SVEP1: variants seen among roughly 807,000 people sequenced by gnomAD.
SVEP1 encodes sushi, von Willebrand factor type A, EGF and pentraxin domain containing 1, also known as sushi, von Willebrand factor type A, EGF and pentraxin domain-containing protein 1.
SVEP1 carries 164 observed loss-of-function variants against 367.3 expected under a neutral mutation model. That is an observed-to-expected ratio of 0.45 (90% CI 0.39 to 0.51). SVEP1 has a LOEUF of 0.51. Ranked by LOEUF, SVEP1 falls within the 20% of genes least tolerant of loss-of-function variation. The probability of loss-of-function intolerance (pLI) is 0.00; values close to 1 mark genes in which losing one functional copy is unlikely to be tolerated. For synonymous variants in SVEP1, 1,666 were observed against 1,611.6 expected, an observed-to-expected ratio of 1.03 and a Z score of -0.81; for missense variants, 4,117 against 4,425.3, an observed-to-expected ratio of 0.93 and a Z score of 1.98.
rs143870318 is a variant in SVEP1, at chr9:110,390,788, A to C, written c.9823-1201T>G. Among the ~76,000 whole-genome samples the C allele has an allele frequency of 5.8e-3, 889 of 152,202 alleles. 6 individuals carry two copies. The highest frequency in any genetic ancestry group is 0.02 in the African/African-American group (839 of 41,522). ...GAATTAATTAGTCTGATGTGAGAAC[A>C]GGTATTTGCATTAAAAAAAAATCCT... On this transcript the variant is annotated intron_variant, in intron 40 of 47. Coordinates refer to ENST00000374469, the MANE Select transcript of SVEP1 (RefSeq NM_153366.4).
chr9:110,381,329 G>A (rs1353374048), intron 43 of SVEP1, among the ~76,000 whole-genome samples: 1 of 151,968 alleles, frequency 6.6e-6, no homozygotes, highest in Non-Finnish European at 1.5e-5. Context: ...TTACCTTTTC[G>A]ATGTGGGCAT....
intron 5 of SVEP1, among the ~76,000 whole-genome samples, chr9:110,504,738 C>A: frequency 6.6e-6 from 1 of 152,188 alleles, no homozygotes; most frequent in East Asian, 1.9e-4. Flanking sequence ...TACACAATTT[C>A]TAATTCCTTC....
At chr9:110,508,901 A>G (rs187701804) in intron 5 of SVEP1, among the ~76,000 whole-genome samples, 1 of 152,334 alleles carries the variant, frequency 6.6e-6, no homozygotes, top group Admixed American at 6.5e-5. Context: ...CCACAAAAAC[A>G]TTAACAATGT....
chr9:110,541,658 A>G (rs1588099981), intron 3 of SVEP1, among the ~76,000 whole-genome samples: 1 of 152,056 alleles, frequency 6.6e-6, no homozygotes, highest in East Asian at 1.9e-4. Context: ...GATGTGCCAC[A>G]TACCATCTTA....
At chr9:110,530,661 CA>C (rs1427414190) in intron 3 of SVEP1, among the ~76,000 whole-genome samples, 4 of 152,176 alleles carry the variant, frequency 2.6e-5, no homozygotes, top group Middle Eastern at 6.8e-3. Flanking sequence ...CTCAGCCACC[CA>C]TTTAGCTGGG....
chr9:110,450,644 A>T (rs1380355908), intron 23 of SVEP1, among the ~76,000 whole-genome samples: 2 of 144,898 alleles, frequency 1.4e-5, no homozygotes, highest in African/African-American at 5.1e-5. Flanking sequence ...TAATTTTTGT[A>T]TTTTTTTTTT....
Position 110,396,655 on chromosome 9 carries a change from G to A in SVEP1, c.9822+4199C>T, listed in dbSNP as rs868357551. On this transcript the variant is annotated intron_variant, in intron 40 of 47. Transcript: ENST00000374469. ...CAAATAGACACAATAAAAAATGATA[G>A]AGGGGATATCACCACTGATCCCACA... Among the ~76,000 whole-genome samples the A allele has an allele frequency of 6.1e-5, 8 of 131,686 alleles. No individual in the cohort carries two copies. The East Asian group carries it at 6.5e-4, about 11-fold the overall frequency. 86.4% of individuals were successfully genotyped at this position (131,686 alleles called of 152,430 possible).
At chr9:110,449,319 C>G (rs540402436) in intron 24 of SVEP1, among the ~76,000 whole-genome samples, 1 of 151,984 alleles carries the variant, frequency 6.6e-6, no homozygotes, top group East Asian at 1.9e-4. Flanking sequence ...TGTTAGATTT[C>G]TTTTGAACCA....
intron 1 of SVEP1, among the ~76,000 whole-genome samples, chr9:110,551,120 T>C (rs1830280533): frequency 6.6e-6 from 1 of 152,242 alleles, no homozygotes; most frequent in Non-Finnish European, 1.5e-5. Flanking sequence ...AAACACTACA[T>C]GTTTTTCAGA....
At chr9:110,382,547 G>T (rs149970579) in intron 43 of SVEP1, among the ~76,000 whole-genome samples, 3,780 of 152,096 alleles carry the variant, frequency 0.025, 172 homozygotes, top group African/African-American at 0.086. Context: ...TGTGTCTTGG[G>T]GTTGATCTTC....
intron 36 of SVEP1, among the ~76,000 whole-genome samples, chr9:110,414,323 A>C (rs1477439736): frequency 6.6e-6 from 1 of 152,038 alleles, no homozygotes; most frequent in Non-Finnish European, 1.5e-5. Context: ...ATCAGGAAAA[A>C]AATAACAGTG....
At chr9:110,481,472 G>A in intron 11 of SVEP1, 36 bp from the exon 12 acceptor site, 1 of 1,353,850 alleles carries the variant, frequency 7.4e-7, no homozygotes, top group Non-Finnish European at 9.7e-7. Flanking sequence ...ATATATAGTG[G>A]TACAAGAAGC....
At chr9:110,469,709 T>C (rs1322247946) in intron 16 of SVEP1, among the ~76,000 whole-genome samples, 2 of 152,182 alleles carry the variant, frequency 1.3e-5, no homozygotes, top group African/African-American at 4.8e-5. Flanking sequence ...TTAAAAAGTG[T>C]GTAATAATTA....
At chr9:110,561,378 T>G (rs1830425177) in intron 1 of SVEP1, among the ~76,000 whole-genome samples, 1 of 152,200 alleles carries the variant, frequency 6.6e-6, no homozygotes, top group Non-Finnish European at 1.5e-5. Flanking sequence ...TAGGTCTGAC[T>G]ACATCCCAAG....
intron 36 of SVEP1, among the ~76,000 whole-genome samples, chr9:110,415,276 A>T (rs780479770): frequency 6.6e-6 from 1 of 151,972 alleles, no homozygotes; most frequent in Non-Finnish European, 1.5e-5. Context: ...TTATAATTCA[A>T]GGAAAGGCCA....
At chr9:110,468,872 C>A (rs1828976530) in intron 17 of SVEP1, 68 bp downstream of exon 17, 11 of 1,433,274 alleles carry the variant, frequency 7.7e-6, no homozygotes, top group Non-Finnish European at 1.0e-5. Context: ...GAAAATAAAT[C>A]TTTCTTTCCC....
Position 110,489,730 on chromosome 9 carries a change from A to C in SVEP1, c.1850T>G (p.Ile617Ser), listed in dbSNP as rs965410320. 6.2e-7 allele frequency: 1 copy of C among 1,613,600 alleles called. No individual in the cohort carries two copies. The highest frequency in any genetic ancestry group is 8.5e-7 in the Non-Finnish European group (1 of 1,179,608). ...PAFTPPYLFP[I>S]GDVAIVYTAT... is the part of the protein sequence containing the mutation. ...CGTGTATACGATAGCAACATCTCCA[A>C]TTGGGAAAAGGTAAGGTGGGGTGAA... The change falls in exon 9 of 48, where the codon ATT becomes AGT. Residue 617 changes from isoleucine (I) to serine (S), a missense_variant. This residue lies in a region of SVEP1 where 2,174 missense variants were observed against 2,494.3 expected (regional missense o/e 0.87). Coordinates refer to ENST00000374469, the MANE Select transcript of SVEP1 (RefSeq NM_153366.4).
At chr9:110,430,107 CTTT>C (rs11331398) in intron 33 of SVEP1, 103 bp from the exon 34 acceptor site, 8,820 of 939,532 alleles carry the variant, frequency 9.4e-3, no homozygotes, top group South Asian at 0.01. Context: ...TGTTTGTTTT[CTTT>C]TTTTTTTTTT....
chr9:110,379,245 G>A (rs1827398079), intron 44 of SVEP1, 102 bp downstream of exon 44: 2 of 1,290,740 alleles, frequency 1.5e-6, no homozygotes, highest in African/African-American at 1.5e-5. Flanking sequence ...TAAAGCCAAG[G>A]AAAAATAAAG....
Sources: allele counts gnomAD v4.1 joint callset (sites outside exome capture counted in the v4.1 genomes callset), GRCh38; gene constraint gnomAD v4.1.1; regional missense constraint gnomAD v4.1.1; transcripts MANE v1.5; gene names NCBI Gene and HGNC (gene_info 2026-07-23, HGNC 2026-07-21).